The following RASSF10 variants were observed in gnomAD, a reference collection of about 807,000 sequenced individuals.
RASSF10 encodes ras association domain-containing protein 10.
A neutral mutation model predicts 41.5 loss-of-function variants in RASSF10; 22 were observed. The ratio of observed to expected loss-of-function variants is 0.53; its 90% CI spans 0.38 to 0.76. The LOEUF (loss-of-function observed/expected upper bound fraction) is 0.76. Ranked by LOEUF, RASSF10 falls within the 30% of genes least tolerant of loss-of-function variation. The probability of loss-of-function intolerance (pLI) is 0.00; values close to 1 mark genes in which losing one functional copy is unlikely to be tolerated. For synonymous variants in RASSF10, 364 were observed against 319.0 expected, an observed-to-expected ratio of 1.14 and a Z score of -1.50; for missense variants, 776 against 711.8, an observed-to-expected ratio of 1.09 and a Z score of -1.03.
rs1400993533 is a variant in RASSF10 at position 13,010,137 on chromosome 11, C to A, written c.561C>A (p.Leu187=). Residue 187 remains leucine, a synonymous_variant, in exon 1 of 1, where the codon CTC becomes CTA. Transcript: ENST00000529419. The surrounding 1 kb of genome is among the most constrained non-coding windows in gnomAD (Gnocchi z 4.8). ...VRKAFRKLAK[L]NRRRQQQTPS... ...AGGCCTTTCGCAAACTGGCCAAGCT[C>A]AACCGGCGGCGCCAGCAGCAGACAC... 15 of 1,561,904 alleles carry A rather than the reference C, an allele frequency of 9.6e-6. No individual in the cohort carries two copies. In the African/African-American group the frequency reaches 1.9e-4, roughly 20 times the overall value.
At position 13,010,376 on chromosome 11, in the gene RASSF10, G is replaced by T; in HGVS notation, c.800G>T (p.Arg267Leu). ...AAGGTGCACCTGGACCGCATGCGGC[G>T]TCACGGGGTCAACTACGTGCAGGAC... ...EAKVHLDRMR[R>L]HGVNYVQDTY... is the part of the protein sequence containing the mutation. The change falls in exon 1 of 1, where the codon CGT becomes CTT. Residue 267 changes from arginine (R) to leucine (L), a missense_variant. Transcript: ENST00000529419. This position sits in a 1 kb window ranked among gnomAD's most constrained non-coding sequence, Gnocchi z 4.8. 6.4e-7 allele frequency: 1 copy of T among 1,551,344 alleles called. No individual in the cohort carries two copies. Among genetic ancestry groups the T allele is most frequent in the South Asian group, 1.2e-5 (1 of 84,064 alleles).
chr11:13,009,807 G>A lies in RASSF10; in HGVS notation c.231G>A (p.Glu77=). ...ACGAGGACGACGAGGACGACGACGA[G>A]GCGCTGCCGCAGGGCATGCTGTGCG... ...PPNEDDEDDD[E]ALPQGMLCGP... Residue 77 remains glutamate (E), a synonymous_variant, in exon 1 of 1, where the codon GAG becomes GAA. Coordinates refer to ENST00000529419, the MANE Select transcript of RASSF10 (RefSeq NM_001080521.3). 2.5e-6 allele frequency: 4 copies of A among 1,607,566 alleles called. No individual in the cohort carries two copies. The highest frequency in any genetic ancestry group is 1.1e-5 in the South Asian group (1 of 90,110).
Position 13,009,970 on chromosome 11 carries a change from G to A in RASSF10, c.394G>A (p.Glu132Lys). The change falls in exon 1 of 1, where the codon GAG becomes AAG. Residue 132 changes from glutamate (E) to lysine (K), a missense_variant. Glu to Lys is a moderately conservative substitution (Grantham distance 56). Transcript: ENST00000529419. The stretch of plus-strand genomic sequence containing the variant: ...TGTGCGCTTCGTGCTAGTGCGCAGC[G>A]AGGCATCGCTGCCTAACGCCGGCCC... ...ENVRFVLVRSEASLPNAGPRS... is the reference protein window; with the variant it reads ...ENVRFVLVRSKASLPNAGPRS... 2 of 1,560,898 alleles carry A rather than the reference G, an allele frequency of 1.3e-6. No individual in the cohort carries two copies. Among genetic ancestry groups the A allele is most frequent in the South Asian group, 1.2e-5 (1 of 85,238 alleles).
chr11:13,010,099 C>G lies in RASSF10; in HGVS notation c.523C>G (p.Arg175Gly). Residue 175 changes from arginine (R) to glycine (G), a missense_variant, in exon 1 of 1, where the codon CGA (arginine) becomes GGA (glycine). Arg to Gly is a moderately radical substitution (Grantham distance 125). Coordinates refer to ENST00000529419, the MANE Select transcript of RASSF10 (RefSeq NM_001080521.3). This position sits in a 1 kb window ranked among gnomAD's most constrained non-coding sequence, Gnocchi z 4.8. Reference sequence around the variant, plus strand: ...GGCCATGACCCAGGAGAAACAGCGGCGAGTGGTGCGCAAGGCCTTTCGCAA... The same window carrying G: ...GGCCATGACCCAGGAGAAACAGCGGGGAGTGGTGCGCAAGGCCTTTCGCAA... ...SLAMTQEKQRRVVRKAFRKLA... is the reference protein window; with the variant it reads ...SLAMTQEKQRGVVRKAFRKLA... The G allele has an allele frequency of 6.4e-7, 1 of 1,550,994 alleles. No homozygotes were observed. The highest frequency in any genetic ancestry group is 8.7e-7 in the Non-Finnish European group (1 of 1,147,212).
rs775475574 is a variant in RASSF10 at position 13,009,901 on chromosome 11, C to T, written c.325C>T (p.Arg109Cys). Residue 109 changes from arginine to cysteine, a missense_variant, in exon 1 of 1, where the codon CGC becomes TGC. Coordinates refer to ENST00000529419, the MANE Select transcript of RASSF10 (RefSeq NM_001080521.3). ...GFERILPNKT[R>C]ILRLWAAWGE... ...TGAGCGCATCCTCCCCAACAAGACGCGCATCTTGCGCCTCTGGGCTGCCTG... is the reference window on the plus strand; with the variant it reads ...TGAGCGCATCCTCCCCAACAAGACGTGCATCTTGCGCCTCTGGGCTGCCTG... 1 of 1,603,412 alleles carries T rather than the reference C, an allele frequency of 6.2e-7. No homozygotes were observed. The highest frequency in any genetic ancestry group is 8.5e-7 in the Non-Finnish European group (1 of 1,175,428).
In RASSF10 at chr11:13,010,019, T is replaced by C. The variant is rs1018995109; in HGVS notation, c.443T>C (p.Val148Ala). 6.5e-7 allele frequency: 1 copy of C among 1,545,032 alleles called. No homozygotes were observed. The highest frequency in any genetic ancestry group is 1.4e-5 in the African/African-American group (1 of 72,944). ...AGPRSAEARV[V>A]LSRERPCPAR... The stretch of plus-strand genomic sequence containing the variant: ...CCCCGCAGCGCCGAGGCGCGCGTAG[T>C]GCTGAGCCGAGAGCGCCCCTGTCCG... Residue 148 changes from valine (V) to alanine (A), a missense_variant, in exon 1 of 1, where the codon GTG becomes GCG. Transcript: ENST00000529419. This position sits in a 1 kb window ranked among gnomAD's most constrained non-coding sequence, Gnocchi z 4.8.
chr11:13,010,775 T>C lies in RASSF10; in HGVS notation c.1199T>C (p.Ile400Thr), dbSNP rs537717483. The change falls in exon 1 of 1, where the codon ATT becomes ACT. Residue 400 changes from isoleucine to threonine, a missense_variant. Ile to Thr is a moderately conservative substitution (Grantham distance 89). Coordinates refer to ENST00000529419, the MANE Select transcript of RASSF10 (RefSeq NM_001080521.3). This position sits in a 1 kb window ranked among gnomAD's most constrained non-coding sequence, Gnocchi z 4.8. ...VRTQLSTSLY[I>T]GLRLNTDLEA... is the part of the protein sequence containing the mutation. ...ACGCAGCTCAGTACCAGCCTTTACA[T>C]TGGGCTGCGGCTCAACACGGACCTA... 2.3e-5 allele frequency: 37 copies of C among 1,609,892 alleles called. No individual in the cohort carries two copies. The highest frequency in any genetic ancestry group is 6.7e-5 in the East Asian group (3 of 44,710).
rs1375853296 is a variant in RASSF10, at chr11:13,009,750, G to T, written c.174G>T (p.Pro58=). ...RSRRLGSAGD[P]HGPGELPEPP... ...GGCGGCTGGGGTCGGCCGGCGACCC[G>T]CATGGCCCGGGAGAGCTGCCCGAAC... Residue 58 remains proline (P), a synonymous_variant, in exon 1 of 1, where the codon CCG becomes CCT. Coordinates refer to ENST00000529419, the MANE Select transcript of RASSF10 (RefSeq NM_001080521.3). The T allele has an allele frequency of 1.9e-6, 3 of 1,587,442 alleles. No individual in the cohort carries two copies. The highest frequency in any genetic ancestry group is 2.3e-5 in the East Asian group (1 of 43,420).
At position 13,010,907 on chromosome 11, in the gene RASSF10, C is replaced by A. The variant is rs1949574563; in HGVS notation, c.1331C>A (p.Ala444Glu). Residue 444 changes from alanine (A) to glutamate (E), a missense_variant, in exon 1 of 1, where the codon GCA (alanine) becomes GAA (glutamate). Physicochemically the swap from Ala to Glu is moderately radical, Grantham distance 107. Transcript: ENST00000529419. The surrounding 1 kb of genome is among the most constrained non-coding windows in gnomAD (Gnocchi z 4.8). ...QTLHTLELTV[A>E]PDGAPGSGSP... Reference sequence around the variant, plus strand: ...TTGCACACTTTGGAGCTGACGGTGGCACCGGATGGGGCTCCTGGCTCTGGC... The same window carrying A: ...TTGCACACTTTGGAGCTGACGGTGGAACCGGATGGGGCTCCTGGCTCTGGC... 1 of 1,613,786 alleles carries A rather than the reference C, an allele frequency of 6.2e-7. No individual in the cohort carries two copies. Among genetic ancestry groups the A allele is most frequent in the Non-Finnish European group, 8.5e-7 (1 of 1,179,884 alleles).
rs1218562425 is a variant in RASSF10 at position 13,010,540 on chromosome 11, C to A, written c.964C>A (p.Leu322Met). 6.5e-7 allele frequency: 1 copy of A among 1,531,702 alleles called. No individual in the cohort carries two copies. The highest frequency in any genetic ancestry group is 8.8e-7 in the Non-Finnish European group (1 of 1,137,438). 94.9% of individuals were successfully genotyped at this position (1,531,702 alleles called of 1,614,324 possible). A position where few individuals can be genotyped will look rare whatever the true frequency, so the allele number is the denominator to read the frequency against. Residue 322 changes from leucine to methionine, a missense_variant, in exon 1 of 1, where the codon CTG becomes ATG. By Grantham distance (15) the Leu-to-Met change is conservative. Transcript: ENST00000529419. This position sits in a 1 kb window ranked among gnomAD's most constrained non-coding sequence, Gnocchi z 4.8. ...GEAQAAALEE[L>M]ARRCDDLLRL... The stretch of plus-strand genomic sequence containing the variant: ...GGCGCAGGCGGCGGCGCTGGAGGAG[C>A]TGGCCCGGCGCTGCGACGACTTGCT...
Position 13,010,497 on chromosome 11 carries a change from G to T in RASSF10, c.921G>T (p.Ala307=). Residue 307 remains alanine (A), a synonymous_variant, in exon 1 of 1, where the codon GCG becomes GCT. Coordinates refer to ENST00000529419, the MANE Select transcript of RASSF10 (RefSeq NM_001080521.3). The surrounding 1 kb of genome is among the most constrained non-coding windows in gnomAD (Gnocchi z 4.8). ...CGGAGGCGGAGGAGGCGGCGGCGGCGCCCCCTCTAGCCGGCGAGGCGCAGG... is the reference window on the plus strand; with the variant it reads ...CGGAGGCGGAGGAGGCGGCGGCGGCTCCCCCTCTAGCCGGCGAGGCGCAGG... The part of the protein sequence containing the change: ...VAAEAEEAAA[A]PPLAGEAQAA... 6.6e-7 allele frequency: 1 copy of T among 1,509,048 alleles called. No homozygotes were observed. Among genetic ancestry groups the T allele is most frequent in the Middle Eastern group, 1.9e-4 (1 of 5,166 alleles). 93.5% of individuals were successfully genotyped at this position (1,509,048 alleles called of 1,614,324 possible). A position where few individuals can be genotyped will look rare whatever the true frequency, so the allele number is the denominator to read the frequency against.
At position 13,011,232 on chromosome 11, in the gene RASSF10, C is replaced by T. The variant is rs1799414562; in HGVS notation, c.*132C>T. ...AGAGCTCCGGCTGGGCAGCAGCGCT[C>T]TGCGCAGCCTCGCGCTCATCTGGCT... On this transcript the variant is annotated 3_prime_UTR_variant, in exon 1 of 1. Transcript: ENST00000529419. 2.8e-5 allele frequency: 20 copies of T among 721,464 alleles called. No homozygotes were observed. The highest frequency in any genetic ancestry group is 4.2e-5 in the Non-Finnish European group (19 of 447,118). 44.7% of individuals were successfully genotyped at this position (721,464 alleles called of 1,614,324 possible). A position where few individuals can be genotyped will look rare whatever the true frequency, so the allele number is the denominator to read the frequency against.
Position 13,009,740 on chromosome 11 carries a change from C to T in RASSF10, c.164C>T (p.Ala55Val). Reference protein sequence around the residue: ...RQRRSRRLGSAGDPHGPGELP... With the variant: ...RQRRSRRLGSVGDPHGPGELP... ...CGGCGGAGCCGGCGGCTGGGGTCGG[C>T]CGGCGACCCGCATGGCCCGGGAGAG... is the stretch of plus-strand genomic sequence containing the variant. The change falls in exon 1 of 1, where the codon GCC becomes GTC. Residue 55 changes from alanine to valine, a missense_variant. By Grantham distance (64) the Ala-to-Val change is moderately conservative (BLOSUM62 0). Coordinates refer to ENST00000529419, the MANE Select transcript of RASSF10 (RefSeq NM_001080521.3). 6 of 1,579,600 alleles carry T rather than the reference C, an allele frequency of 3.8e-6. No homozygotes were observed. Among genetic ancestry groups the T allele is most frequent in the African/African-American group, 1.3e-5 (1 of 74,210 alleles).
Position 13,010,797 on chromosome 11 carries a change from C to T in RASSF10, c.1221C>T (p.Asp407=). The T allele has an allele frequency of 6.2e-7, 1 of 1,613,064 alleles. No homozygotes were observed. Among genetic ancestry groups the T allele is most frequent in the Non-Finnish European group, 8.5e-7 (1 of 1,179,536 alleles). The stretch of plus-strand genomic sequence containing the variant: ...ACATTGGGCTGCGGCTCAACACGGA[C>T]CTAGAGGCCGTCAAGTCGGACTTGG... ...SLYIGLRLNT[D]LEAVKSDLDY... The change falls in exon 1 of 1, where the codon GAC becomes GAT. Residue 407 remains aspartate (D), a synonymous_variant. Transcript: ENST00000529419. This position sits in a 1 kb window ranked among gnomAD's most constrained non-coding sequence, Gnocchi z 4.8.
rs1949574716 is a variant in RASSF10, at chr11:13,010,920, T to C, written c.1344T>C (p.Ala448=). ...AGCTGACGGTGGCACCGGATGGGGCTCCTGGCTCTGGCAGTCCCTCGCGGG... is the reference window on the plus strand; with the variant it reads ...AGCTGACGGTGGCACCGGATGGGGCCCCTGGCTCTGGCAGTCCCTCGCGGG... ...TLELTVAPDG[A]PGSGSPSREP... The change falls in exon 1 of 1, where the codon GCT becomes GCC. Residue 448 remains alanine (A), a synonymous_variant. Transcript: ENST00000529419. The surrounding 1 kb of genome is among the most constrained non-coding windows in gnomAD (Gnocchi z 4.8). 1.9e-6 allele frequency: 3 copies of C among 1,613,722 alleles called. No homozygotes were observed. The highest frequency in any genetic ancestry group is 2.5e-6 in the Non-Finnish European group (3 of 1,179,864).
Position 13,010,442 on chromosome 11 carries a change from G to T in RASSF10, c.866G>T (p.Arg289Ile). The change falls in exon 1 of 1, where the codon AGA becomes ATA. Residue 289 changes from arginine to isoleucine, a missense_variant. Physicochemically the swap from Arg to Ile is moderately conservative, Grantham distance 97 (BLOSUM62 -3). Transcript: ENST00000529419. The surrounding 1 kb of genome is among the most constrained non-coding windows in gnomAD (Gnocchi z 4.8). ...GCAGGCATCGAGCTCGACGGGTCCA[G>T]ACCGGGAGAGGAGCCAGAAGAGGTG... is the stretch of plus-strand genomic sequence containing the variant. Reference protein sequence around the residue: ...VGAGIELDGSRPGEEPEEVAA... With the variant: ...VGAGIELDGSIPGEEPEEVAA... The T allele has an allele frequency of 6.5e-7, 1 of 1,541,564 alleles. No individual in the cohort carries two copies. The highest frequency in any genetic ancestry group is 8.8e-7 in the Non-Finnish European group (1 of 1,140,858).
rs1274799740 is a variant in RASSF10 at position 13,010,638 on chromosome 11, C to G, written c.1062C>G (p.Leu354=). ...TTTCAGCCGAGATTCAGGAGGAACT[C>G]AACCAGAGGTGGATGCGACGGCGCC... ...ERLSAEIQEE[L]NQRWMRRRQE... The change falls in exon 1 of 1, where the codon CTC becomes CTG. Residue 354 remains leucine (L), a synonymous_variant. Coordinates refer to ENST00000529419, the MANE Select transcript of RASSF10 (RefSeq NM_001080521.3). The surrounding 1 kb of genome is among the most constrained non-coding windows in gnomAD (Gnocchi z 4.8). 4.4e-6 allele frequency: 7 copies of G among 1,591,608 alleles called. No individual in the cohort carries two copies. In the Admixed American group the frequency reaches 1.2e-4, roughly 28 times the overall value.
Position 13,010,968 on chromosome 11 carries a change from C to G in RASSF10, c.1392C>G (p.Ala464=). ...GGGAACCTGGGCCTCAAGCCTGCGC[C>G]GACATGTGGGTGGACCAGGCCCGTG... ...PSREPGPQAC[A]DMWVDQARGL... is the part of the protein sequence containing the mutation. The change falls in exon 1 of 1, where the codon GCC becomes GCG. Residue 464 remains alanine, a synonymous_variant. Coordinates refer to ENST00000529419, the MANE Select transcript of RASSF10 (RefSeq NM_001080521.3). This position sits in a 1 kb window ranked among gnomAD's most constrained non-coding sequence, Gnocchi z 4.8. The G allele has an allele frequency of 1.2e-6, 2 of 1,613,694 alleles. No homozygotes were observed. Among genetic ancestry groups the G allele is most frequent in the Non-Finnish European group, 8.5e-7 (1 of 1,179,872 alleles).
Position 13,011,240 on chromosome 11 carries a change from C to T in RASSF10, c.*140C>T, listed in dbSNP as rs902823287. 1.2e-5 allele frequency: 8 copies of T among 685,668 alleles called. No homozygotes were observed. The highest frequency in any genetic ancestry group is 2.9e-5 in the Admixed American group (1 of 34,064). 42.5% of individuals were successfully genotyped at this position (685,668 alleles called of 1,614,324 possible). Reference sequence around the variant, plus strand: ...GGCTGGGCAGCAGCGCTCTGCGCAGCCTCGCGCTCATCTGGCTCCGGGGTG... The same window carrying T: ...GGCTGGGCAGCAGCGCTCTGCGCAGTCTCGCGCTCATCTGGCTCCGGGGTG... On this transcript the variant is annotated 3_prime_UTR_variant, in exon 1 of 1. Transcript: ENST00000529419.
Sources: gnomAD v4.1 joint callset for allele counts on GRCh38, gnomAD v4.1.1 for gene constraint, Gnocchi (gnomAD v3.1) non-coding constraint, MANE v1.5 for transcripts, NCBI Gene and HGNC (gene_info 2026-07-23, HGNC 2026-07-21) for gene names.